The following SPAG17 variants were observed in gnomAD, a reference collection of about 807,000 sequenced individuals.
The protein encoded by SPAG17 is sperm-associated antigen 17.
SPAG17 carries 169 observed loss-of-function variants against 273.6 expected under a neutral mutation model. The observed-to-expected ratio is 0.62, with a 90% CI of 0.55 to 0.70. The LOEUF (loss-of-function observed/expected upper bound fraction) is 0.70. SPAG17 is among the 30% of genes least tolerant of loss of function. The probability of loss-of-function intolerance (pLI) is 0.00; values close to 1 mark genes in which losing one functional copy is unlikely to be tolerated. For missense variants in SPAG17, 2,557 were observed against 2,627.8 expected (o/e 0.97, Z 0.59); for synonymous variants, 825 against 873.2 (o/e 0.94, Z 0.97).
chr1:118,069,285 C>A (rs940725408), intron 17 of SPAG17, among the ~76,000 whole-genome samples: 5 of 143,600 alleles, frequency 3.5e-5, no homozygotes, highest in African/African-American at 1.3e-4. Context: ...GCGGAGGTTG[C>A]AGTGAGCCGA....
intron 38 of SPAG17, among the ~76,000 whole-genome samples, chr1:117,988,562 G>C (rs759458845): frequency 2.6e-5 from 4 of 152,026 alleles, no homozygotes; most frequent in Non-Finnish European, 4.4e-5. Flanking sequence ...ATATTTTCCT[G>C]TTCCCGAATC....
chr1:118,022,663 G>A (rs970227628), intron 28 of SPAG17, among the ~76,000 whole-genome samples: 1 of 152,158 alleles, frequency 6.6e-6, no homozygotes, highest in Non-Finnish European at 1.5e-5. Flanking sequence ...GGCAGACACT[G>A]TTCATTGCTT....
chr1:117,997,579 A>AG lies in SPAG17; in HGVS notation c.4777-837_4777-836insC, dbSNP rs987913658. 4.0e-5 allele frequency among the ~76,000 whole-genome samples: 6 copies of AG among 151,514 alleles called. No individual in the cohort carries two copies. In the East Asian group the frequency reaches 5.8e-4, roughly 15 times the overall value. ...TTGAATGAGAAGTAAAAAAAAAAAAAAAAAGAAAAGAAAAAAGATAAATGC... is the reference window on the plus strand; with the variant it reads ...TTGAATGAGAAGTAAAAAAAAAAAAAGAAAAGAAAAGAAAAAAGATAAATGC... On this transcript the variant is annotated intron_variant, in intron 32 of 48. Coordinates refer to ENST00000336338, the MANE Select transcript of SPAG17 (RefSeq NM_206996.4).
chr1:118,044,411 G>C (rs1410296465), intron 20 of SPAG17, among the ~76,000 whole-genome samples: 1 of 151,934 alleles, frequency 6.6e-6, no homozygotes, highest in Non-Finnish European at 1.5e-5. Flanking sequence ...CTTGAACCTG[G>C]GAGACAGAGG....
intron 1 of SPAG17, among the ~76,000 whole-genome samples, chr1:118,156,774 T>G (rs1420676715): frequency 6.6e-6 from 1 of 152,112 alleles, no homozygotes; most frequent in African/African-American, 2.4e-5. Context: ...ACCTACTACC[T>G]ATAGGCTGCA....
chr1:118,061,453 C>T (rs185208722), intron 18 of SPAG17, among the ~76,000 whole-genome samples: 6 of 152,208 alleles, frequency 3.9e-5, no homozygotes, highest in South Asian at 2.1e-4. Flanking sequence ...TGACAAATAC[C>T]GGCTGATTCC....
intron 36 of SPAG17, among the ~76,000 whole-genome samples, chr1:117,992,159 G>A (rs1010523450): frequency 1.3e-5 from 2 of 152,114 alleles, no homozygotes; most frequent in Admixed American, 1.3e-4. Context: ...ATGTAGTTCT[G>A]TCTTTTTCCA....
chr1:117,991,305 C>A (rs975146411), intron 37 of SPAG17, 110 bp downstream of exon 37: 7 of 594,234 alleles, frequency 1.2e-5, no homozygotes, highest in African/African-American at 3.9e-5. Context: ...GAGGAGGGAG[C>A]AAATGCTTCA....
At chr1:117,974,958 C>G (rs1405296425) in intron 43 of SPAG17, among the ~76,000 whole-genome samples, 2 of 152,160 alleles carry the variant, frequency 1.3e-5, no homozygotes, top group Admixed American at 1.3e-4. Flanking sequence ...ATGCAAACTC[C>G]TGCCACACAC....
At chr1:118,028,106 T>G (rs1206338539) in intron 26 of SPAG17, among the ~76,000 whole-genome samples, 168 bp downstream of exon 26, 1 of 152,212 alleles carries the variant, frequency 6.6e-6, no homozygotes, top group Non-Finnish European at 1.5e-5. Context: ...ACATATATAC[T>G]AAGTACTTAG....
At chr1:118,056,262 C>T (rs1235601373) in intron 18 of SPAG17, among the ~76,000 whole-genome samples, 1 of 152,172 alleles carries the variant, frequency 6.6e-6, no homozygotes, top group Non-Finnish European at 1.5e-5. Flanking sequence ...GAGATGATCA[C>T]TTTCACCACT....
rs757422249 is a variant in SPAG17 at position 118,023,308 on chromosome 1, C to A, written c.4065G>T (p.Lys1355Asn). ...CTGAGAGGCTTCAATTGTTACCTTT[C>A]TTTGTGTTGGTAATCTCAGATGGTA... is the stretch of plus-strand genomic sequence containing the variant. ...ETIPSEITNT[K>N]KGKSHKSQSS... Residue 1355 changes from lysine to asparagine, a missense_variant, in exon 28 of 49, where the codon AAG becomes AAT. By Grantham distance (94) the Lys-to-Asn change is moderately conservative. Transcript: ENST00000336338. 6.2e-7 allele frequency: 1 copy of A among 1,609,178 alleles called. No homozygotes were observed.
In SPAG17 at chr1:118,185,131, T is replaced by A. The variant is rs774025877; in HGVS notation, c.27A>T (p.Gly9=). The change falls in exon 1 of 49, where the codon GGA becomes GGT. Residue 9 remains glycine, a synonymous_variant. Coordinates refer to ENST00000336338, the MANE Select transcript of SPAG17 (RefSeq NM_206996.4). ...ATATCTTAGAACTGGTGTTCACAGTTCCTCCTTTCTCCTTCTTGGGTGCCA... is the reference window on the plus strand; with the variant it reads ...ATATCTTAGAACTGGTGTTCACAGTACCTCCTTTCTCCTTCTTGGGTGCCA... MAPKKEKG[G]TVNTSSKIWE... The A allele has an allele frequency of 1.1e-5, 17 of 1,613,972 alleles. No homozygotes were observed. The highest frequency in any genetic ancestry group is 1.3e-5 in the Non-Finnish European group (15 of 1,179,988).
At chr1:118,007,762 T>C (rs1659049677) in intron 31 of SPAG17, among the ~76,000 whole-genome samples, 1 of 152,210 alleles carries the variant, frequency 6.6e-6, no homozygotes, top group Non-Finnish European at 1.5e-5. Context: ...CCACAGTGCC[T>C]AGCACATAAG....
chr1:118,077,143 T>A (rs1306342795), intron 15 of SPAG17, among the ~76,000 whole-genome samples: 1 of 152,158 alleles, frequency 6.6e-6, no homozygotes, highest in East Asian at 1.9e-4. Flanking sequence ...TTTGCCTTGT[T>A]TAAAGAGAAT....
chr1:118,113,720 G>C (rs1178512162), intron 4 of SPAG17, among the ~76,000 whole-genome samples: 2 of 151,914 alleles, frequency 1.3e-5, no homozygotes, highest in Non-Finnish European at 2.9e-5. Context: ...CAGTTACCCA[G>C]GACTCTCAAA....
rs771361370 is a variant in SPAG17 at position 118,025,352 on chromosome 1, CCTCTGGGGGTAG to C, written c.3783_3794del (p.Ser1261_Gln1264del). 8.1e-6 allele frequency: 13 copies of C among 1,612,714 alleles called. No homozygotes were observed. Among genetic ancestry groups the C allele is most frequent in the Non-Finnish European group, 1.0e-5 (12 of 1,179,476 alleles). On this transcript the variant is annotated inframe_deletion, in exon 27 of 49. Transcript: ENST00000336338. Reference sequence around the variant, plus strand: ...TTTTATAGAACTCATAGTGCTTCACCCTCTGGGGGTAGCTCTGACGGACCATGATGTCCCAGG... The same window carrying C: ...TTTTATAGAACTCATAGTGCTTCACCCTCTGACGGACCATGATGTCCCAGG...
chr1:118,084,662 C>A (rs979039530), intron 13 of SPAG17, among the ~76,000 whole-genome samples: 3 of 152,174 alleles, frequency 2.0e-5, no homozygotes, highest in Non-Finnish European at 4.4e-5. Context: ...AGTGGGCTCT[C>A]TATTCATCTG....
chr1:118,117,379 T>C (rs1657151939), intron 3 of SPAG17, among the ~76,000 whole-genome samples: 1 of 152,220 alleles, frequency 6.6e-6, no homozygotes, highest in Non-Finnish European at 1.5e-5. Flanking sequence ...GTGATTTCTC[T>C]AGGAGTCTAT....
Sources: gnomAD v4.1 joint callset for allele counts (sites outside exome capture counted in the v4.1 genomes callset) on GRCh38, gnomAD v4.1.1 for gene constraint, MANE v1.5 for transcripts, NCBI Gene and HGNC (gene_info 2026-07-23, HGNC 2026-07-21) for gene names.